Variants in FXR1 observed in about 807,000 individuals in gnomAD.
FXR1 encodes FMR1 autosomal homolog 1.
FXR1 carries 15 observed loss-of-function variants against 84.0 expected under a neutral mutation model. The observed-to-expected ratio is 0.18, with a 90% CI of 0.12 to 0.27. The LOEUF is 0.27. FXR1 is among the 10% of genes least tolerant of loss of function. The probability of loss-of-function intolerance (pLI) is 1.00; values close to 1 mark genes in which losing one functional copy is unlikely to be tolerated. For synonymous variants in FXR1, 245 were observed against 250.7 expected, an observed-to-expected ratio of 0.98 and a Z score of 0.21; for missense variants, 480 against 774.4, an observed-to-expected ratio of 0.62 and a Z score of 4.51.
At chr3:180,969,953 T>G (rs541494390) in intron 14 of FXR1, among the ~76,000 whole-genome samples, 3 of 152,366 alleles carry the variant, frequency 2.0e-5, no homozygotes, top group South Asian at 4.1e-4. Flanking sequence ...GCTTTAATTT[T>G]TCATCACCAC....
chr3:180,970,092 A>G (rs1713340185), intron 14 of FXR1, 66 bp from the exon 15 acceptor site: 1 of 837,650 alleles, frequency 1.2e-6, no homozygotes, highest in Non-Finnish European at 2.1e-6. Context: ...ATAGTTCAAT[A>G]TAGATCAAAC....
rs765066164 is a variant in FXR1, at chr3:180,942,377, CAAAAAAAAAAAAA to C, written c.199-5472_199-5460del. On this transcript the variant is annotated intron_variant, in intron 3 of 16. Coordinates refer to ENST00000357559, the MANE Select transcript of FXR1 (RefSeq NM_005087.4). ...TGGGCGACAGAGCGAGACTCCGTCT[CAAAAAAAAAAAAA>C]AAAAAAAAAAAAAAAGGCATAGGTT... 1.3e-3 allele frequency among the ~76,000 whole-genome samples: 39 copies of C among 31,128 alleles called. 1 individual carries two copies. In the Admixed American group the frequency reaches 0.014, roughly 11 times the overall value. 20.4% of individuals were successfully genotyped at this position (31,128 alleles called of 152,430 possible).
At chr3:180,962,123 A>G (rs1712201079) in intron 11 of FXR1, among the ~76,000 whole-genome samples, 1 of 152,064 alleles carries the variant, frequency 6.6e-6, no homozygotes, top group African/African-American at 2.4e-5. Context: ...TTTTAATTTT[A>G]TTTTCTACTC....
intron 6 of FXR1, 133 bp downstream of exon 6, chr3:180,948,947 A>G (rs763810351): frequency 1.6e-5 from 10 of 630,504 alleles, no homozygotes; most frequent in Non-Finnish European, 2.9e-5. Context: ...TGGGAGAAAA[A>G]TTTGTTTGCA....
Position 180,976,115 on chromosome 3 carries a change from T to G in FXR1, c.1696-7T>G. ...AAGAAGTTGAAAAAGTTGTCTCCCT[T>G]TGGCAGGCAAAAGATGTGATTGAAG... On this transcript the variant is annotated splice_polypyrimidine_tract_variant and splice_region_variant and intron_variant, in intron 16 of 16. Coordinates refer to ENST00000357559, the MANE Select transcript of FXR1 (RefSeq NM_005087.4). The G allele has an allele frequency of 6.3e-7, 1 of 1,596,194 alleles. No individual in the cohort carries two copies. The highest frequency in any genetic ancestry group is 2.3e-5 in the East Asian group (1 of 44,040).
intron 12 of FXR1, 34 bp downstream of exon 12, chr3:180,962,974 C>A (rs1357107807): frequency 8.7e-6 from 14 of 1,609,712 alleles, no homozygotes; most frequent in Non-Finnish European, 1.2e-5. Context: ...ACCAGAGGGC[C>A]TGAAAAAGAG....
chr3:180,956,009 A>G (rs573748040), intron 9 of FXR1, among the ~76,000 whole-genome samples: 1 of 152,316 alleles, frequency 6.6e-6, no homozygotes, highest in Non-Finnish European at 1.5e-5. Context: ...ATGTGTAAAA[A>G]TACAGTGTTT....
Position 180,981,180 on chromosome 3 carries a change from C to G in FXR1, c.*4888C>G, listed in dbSNP as rs1025132590. On this transcript the variant is annotated 3_prime_UTR_variant, in exon 17 of 17. Coordinates refer to ENST00000357559, the MANE Select transcript of FXR1 (RefSeq NM_005087.4). ...AGAACTCTGCATTCTAACCTAAAAC[C>G]CCTCTAACCCTTTAAATGAAGCATT... is the stretch of plus-strand genomic sequence containing the variant. 2.0e-5 allele frequency: 3 copies of G among 151,744 alleles called. No individual in the cohort carries two copies. Among genetic ancestry groups the G allele is most frequent in the African/African-American group, 7.3e-5 (3 of 41,324 alleles). The allele number at this position is 151,744 out of a possible 1,614,324, so 9.4% of individuals were successfully genotyped here. A position where few individuals can be genotyped will look rare whatever the true frequency, so the allele number is the denominator to read the frequency against.
Position 180,978,514 on chromosome 3 carries a change from G to T in FXR1, c.*2222G>T, listed in dbSNP as rs985655162. 14 of 151,904 alleles carry T rather than the reference G, an allele frequency of 9.2e-5. No individual in the cohort carries two copies. The highest frequency in any genetic ancestry group is 3.4e-4 in the African/African-American group (14 of 41,382). 9.4% of individuals were successfully genotyped at this position (151,904 alleles called of 1,614,324 possible). On this transcript the variant is annotated 3_prime_UTR_variant, in exon 17 of 17. Transcript: ENST00000357559. ...GTATTTGAGAGGGTTCCGTCTTTTT[G>T]GCTGCTATCCTAGTTAGGTGAGATG... is the stretch of plus-strand genomic sequence containing the variant.
chr3:180,939,196 T>A (rs1720860204), intron 3 of FXR1, among the ~76,000 whole-genome samples: 2 of 152,134 alleles, frequency 1.3e-5, no homozygotes, highest in South Asian at 4.1e-4. Context: ...GCAGGCTTAC[T>A]TTTACATTTT....
intron 3 of FXR1, among the ~76,000 whole-genome samples, chr3:180,944,924 C>CT (rs1721541204): frequency 6.6e-6 from 1 of 152,240 alleles, no homozygotes; most frequent in African/African-American, 2.4e-5. Flanking sequence ...CACGCATGGC[C>CT]TTATTAGACA....
intron 8 of FXR1, 78 bp downstream of exon 8, chr3:180,951,546 A>C: frequency 1.9e-6 from 2 of 1,059,038 alleles, no homozygotes; most frequent in South Asian, 3.3e-5. Flanking sequence ...CTGAAATTCC[A>C]GTTTCCCATG....
At chr3:180,954,012 G>T in intron 9 of FXR1, 172 bp downstream of exon 9, 1 of 543,492 alleles carries the variant, frequency 1.8e-6, no homozygotes, top group East Asian at 3.1e-5. Context: ...TGTGTAACTT[G>T]TTATTGTCAT....
At chr3:180,945,731 A>C (rs1006390313) in intron 3 of FXR1, among the ~76,000 whole-genome samples, 2 of 152,230 alleles carry the variant, frequency 1.3e-5, no homozygotes, top group Admixed American at 6.5e-5. Flanking sequence ...AAAAGATGGA[A>C]GAATACTGTC....
At chr3:180,970,744 A>G (rs1329379897) in intron 15 of FXR1, 1 of 155,430 alleles carries the variant, frequency 6.4e-6, no homozygotes, top group Non-Finnish European at 1.4e-5. Flanking sequence ...AAGAGTAGGC[A>G]TTAATTTTCA....
intron 1 of FXR1, among the ~76,000 whole-genome samples, chr3:180,921,117 C>T (rs1450553927): frequency 2.6e-5 from 4 of 151,854 alleles, no homozygotes; most frequent in African/African-American, 9.7e-5. Context: ...TGACTGTAAT[C>T]CCAGCACTTT....
At chr3:180,959,530 T>C (rs1711815599) in intron 10 of FXR1, among the ~76,000 whole-genome samples, 1 of 152,182 alleles carries the variant, frequency 6.6e-6, no homozygotes, top group South Asian at 2.1e-4. Context: ...GTAAAACTGG[T>C]AATACTATTT....
rs1282094695 is a variant in FXR1 at position 180,968,109 on chromosome 3, G to T, written c.1257G>T (p.Leu419=). The stretch of plus-strand genomic sequence containing the variant: ...CGGAATCTGAGCGTAAAGACGAGCT[G>T]AGTGATTGGTCATTGGCAGGAGAAG... ...SETESERKDE[L]SDWSLAGEDD... is the part of the protein sequence containing the mutation. Residue 419 remains leucine (L), a synonymous_variant, in exon 14 of 17, where the codon CTG becomes CTT. Coordinates refer to ENST00000357559, the MANE Select transcript of FXR1 (RefSeq NM_005087.4). 6.2e-7 allele frequency: 1 copy of T among 1,613,742 alleles called. No individual in the cohort carries two copies. Among genetic ancestry groups the T allele is most frequent in the Admixed American group, 1.7e-5 (1 of 60,020 alleles).
rs917482261 is a variant in FXR1, at chr3:180,979,754, A to G, written c.*3462A>G. 2.6e-5 allele frequency: 4 copies of G among 152,060 alleles called. No homozygotes were observed. The allele number at this position is 152,060 out of a possible 1,614,324, so 9.4% of individuals were successfully genotyped here. On this transcript the variant is annotated 3_prime_UTR_variant, in exon 17 of 17. Transcript: ENST00000357559. Reference sequence around the variant, plus strand: ...AGTCCATTACACTGAACAGTAGGAAATTACCACTTTTGTAAGGCTCAAAAA... The same window carrying G: ...AGTCCATTACACTGAACAGTAGGAAGTTACCACTTTTGTAAGGCTCAAAAA...
Sources: gnomAD v4.1 joint callset for allele counts (sites outside exome capture counted in the v4.1 genomes callset) on GRCh38, gnomAD v4.1.1 for gene constraint, MANE v1.5 for transcripts, NCBI Gene and HGNC (gene_info 2026-07-23, HGNC 2026-07-21) for gene names.